The following PRELID2 variants were observed in gnomAD, a reference collection of about 807,000 sequenced individuals.
PRELID2 encodes the protein PRELI domain-containing protein 2.
PRELID2 carries 25 observed loss-of-function variants against 28.4 expected under a neutral mutation model. The ratio of observed to expected loss-of-function variants is 0.88; its 90% CI spans 0.64 to 1.23. PRELID2 has a LOEUF of 1.23. PRELID2 is among the 50% of genes most tolerant of loss of function. PRELID2 has a pLI of 0.00. For missense variants in PRELID2, 201 were observed against 214.4 expected (o/e 0.94, Z 0.39); for synonymous variants, 76 against 71.6 (o/e 1.06, Z -0.31).
intron 1 of PRELID2, among the ~76,000 whole-genome samples, chr5:145,640,214 C>T (rs1336950992): frequency 2.0e-5 from 3 of 151,786 alleles, no homozygotes; most frequent in Admixed American, 6.6e-5. Flanking sequence ...CGGCCGGGCG[C>T]GGTGGCTCAC....
At chr5:145,463,358 T>A in the PRELID2 span, among the ~76,000 whole-genome samples, 18 of 151,440 alleles carry the variant, frequency 1.2e-4, no homozygotes, top group Non-Finnish European at 2.4e-4. Flanking sequence ...TTTTTTTTTT[T>A]TAGTGTCTTT....
chr5:145,319,331 C>T, the PRELID2 span, among the ~76,000 whole-genome samples: 1 of 152,050 alleles, frequency 6.6e-6, no homozygotes, highest in African/African-American at 2.4e-5. Flanking sequence ...CCTCCTATTC[C>T]CGAATCTTGT....
chr5:145,799,124 A>G (rs1752960975), intron 4 of PRELID2, among the ~76,000 whole-genome samples: 1 of 151,356 alleles, frequency 6.6e-6, no homozygotes, highest in Admixed American at 6.6e-5. Context: ...GTAAGAGAAA[A>G]GCAACTCATC....
At chr5:145,407,294 G>A in the PRELID2 span, among the ~76,000 whole-genome samples, 1 of 152,110 alleles carries the variant, frequency 6.6e-6, no homozygotes, top group Admixed American at 6.5e-5. Flanking sequence ...AGTGAGACTG[G>A]AGACTGGCCT....
At chr5:145,564,855 G>T (rs1161223044) in intron 1 of PRELID2, among the ~76,000 whole-genome samples, 2 of 152,196 alleles carry the variant, frequency 1.3e-5, no homozygotes, top group Non-Finnish European at 2.9e-5. Flanking sequence ...AAATGAGAAA[G>T]CTTCAGGAGA....
chr5:145,435,080 G>A, the PRELID2 span, among the ~76,000 whole-genome samples: 2 of 152,224 alleles, frequency 1.3e-5, no homozygotes, highest in Non-Finnish European at 2.9e-5. Context: ...AAGCACTGCT[G>A]TAGCAGCTGG....
the PRELID2 span, among the ~76,000 whole-genome samples, chr5:145,397,445 T>G: frequency 6.6e-6 from 1 of 152,152 alleles, no homozygotes; most frequent in Non-Finnish European, 1.5e-5. Flanking sequence ...TCATTTATCA[T>G]GTGTCTAGGT....
At chr5:145,324,613 CA>C in the PRELID2 span, among the ~76,000 whole-genome samples, 1 of 152,100 alleles carries the variant, frequency 6.6e-6, no homozygotes, top group Admixed American at 6.6e-5. Flanking sequence ...AAGAACATCA[CA>C]AAAAATAACA....
chr5:145,579,861 C>CT (rs1395644694), intron 1 of PRELID2, among the ~76,000 whole-genome samples: 2 of 151,970 alleles, frequency 1.3e-5, no homozygotes, highest in Non-Finnish European at 2.9e-5. Flanking sequence ...CTCCCATTGG[C>CT]TCCCCCAGTG....
At chr5:145,552,385 G>A (rs1752843445) in intron 1 of PRELID2, among the ~76,000 whole-genome samples, 1 of 152,068 alleles carries the variant, frequency 6.6e-6, no homozygotes, top group South Asian at 2.1e-4. Flanking sequence ...TATGGCATAG[G>A]ACTTTGATTA....
intron 1 of PRELID2, among the ~76,000 whole-genome samples, chr5:145,584,944 C>A (rs897790799): frequency 3.3e-5 from 5 of 152,004 alleles, no homozygotes; most frequent in African/African-American, 9.7e-5. Flanking sequence ...GATATATACC[C>A]AAAGTAATAT....
At chr5:145,489,969 A>G (rs1052402153) in intron 1 of PRELID2, among the ~76,000 whole-genome samples, 4 of 152,226 alleles carry the variant, frequency 2.6e-5, no homozygotes, top group African/African-American at 9.6e-5. Flanking sequence ...ACGACTTTGC[A>G]TAAATTTGAT....
chr5:145,480,252 T>C (rs1433807044), intron 1 of PRELID2, among the ~76,000 whole-genome samples: 1 of 152,218 alleles, frequency 6.6e-6, no homozygotes, highest in East Asian at 1.9e-4. Context: ...GTGAATTATG[T>C]CATTTACTAG....
intron 1 of PRELID2, among the ~76,000 whole-genome samples, chr5:145,717,793 C>A (rs867283460): frequency 3.3e-5 from 5 of 151,418 alleles, no homozygotes; most frequent in South Asian, 2.1e-4. Flanking sequence ...TTTTTGTTAG[C>A]TAACCAAAGT....
chr5:145,392,884 C>G, the PRELID2 span, among the ~76,000 whole-genome samples: 1 of 152,090 alleles, frequency 6.6e-6, no homozygotes, highest in Non-Finnish European at 1.5e-5. Flanking sequence ...GGCATGAATC[C>G]ACATTGTCCA....
chr5:145,337,192 A>G, the PRELID2 span, among the ~76,000 whole-genome samples: 22 of 151,980 alleles, frequency 1.4e-4, no homozygotes, highest in Non-Finnish European at 2.8e-4. Context: ...AAAAATAAGC[A>G]GAATGAAGAA....
At chr5:145,363,455 G>A in the PRELID2 span, among the ~76,000 whole-genome samples, 3 of 151,948 alleles carry the variant, frequency 2.0e-5, no homozygotes, top group African/African-American at 7.2e-5. Context: ...AAACTCTTAA[G>A]TCCTCTGACT....
At chr5:145,820,333 GT>G (rs1754691701) in intron 2 of PRELID2, among the ~76,000 whole-genome samples, 1 of 152,020 alleles carries the variant, frequency 6.6e-6, no homozygotes, top group Non-Finnish European at 1.5e-5. Flanking sequence ...GCCGAATCAG[GT>G]ATTCCTTATC....
chr5:145,429,552 AT>A, the PRELID2 span, among the ~76,000 whole-genome samples: 1 of 152,348 alleles, frequency 6.6e-6, no homozygotes, highest in East Asian at 1.9e-4. Flanking sequence ...GAAGAGATAC[AT>A]ACAATTGGGA....
Sources: allele counts gnomAD v4.1 joint callset (sites outside exome capture counted in the v4.1 genomes callset), GRCh38; gene constraint gnomAD v4.1.1; transcripts MANE v1.5; gene names NCBI Gene and HGNC (gene_info 2026-07-23, HGNC 2026-07-21).